PID1: variants seen among roughly 807,000 people sequenced by gnomAD.
The protein encoded by PID1 is phosphotyrosine interaction domain containing 1.
A neutral mutation model predicts 19.1 loss-of-function variants in PID1; 10 were observed. The observed-to-expected ratio is 0.52, with a 90% CI of 0.32 to 0.89. The LOEUF (loss-of-function observed/expected upper bound fraction) is 0.89, where lower values mean the gene tolerates loss of function less well. Among genes scored for constraint, PID1 ranks in the 40% least tolerant of loss-of-function variants. The pLI, the probability that PID1 is intolerant of heterozygous loss-of-function variation, is 0.03. For missense variants in PID1, 248 were observed against 285.3 expected (o/e 0.87, Z 0.94); for synonymous variants, 130 against 116.0 (o/e 1.12, Z -0.78).
chr2:229,086,660 G>C (rs554300432), intron 2 of PID1, among the ~76,000 whole-genome samples: 1 of 152,274 alleles, frequency 6.6e-6, no homozygotes, highest in South Asian at 2.1e-4. Context: ...TTAACTGAAG[G>C]CTTGATGGCA....
intron 2 of PID1, among the ~76,000 whole-genome samples, chr2:229,125,787 T>C (rs1285499309): frequency 6.6e-6 from 1 of 152,224 alleles, no homozygotes; most frequent in East Asian, 1.9e-4. Flanking sequence ...TCATGCACAT[T>C]TTCCCACGTG....
At chr2:229,227,013 G>C (rs913301251) in intron 1 of PID1, among the ~76,000 whole-genome samples, 1 of 152,116 alleles carries the variant, frequency 6.6e-6, no homozygotes, top group Non-Finnish European at 1.5e-5. Flanking sequence ...TCTGTGTTTA[G>C]GCAGAGAAAT....
At position 229,047,240 on chromosome 2, in the gene PID1, C is replaced by A. The variant is rs534341761; in HGVS notation, c.178-21132G>T. Among the ~76,000 whole-genome samples, 6 of 152,292 alleles carry A rather than the reference C, an allele frequency of 3.9e-5. No individual in the cohort carries two copies. The South Asian group carries it at 1.2e-3, about 32-fold the overall frequency. On this transcript the variant is annotated intron_variant, in intron 2 of 2. Coordinates refer to ENST00000392055, the MANE Select transcript of PID1 (RefSeq NM_001100818.2). ...TTCCAGAACCATGCAGAGTTAGAAT[C>A]AACCCTGGAAAGGGCTCCTGCCCAG...
chr2:229,215,081 C>T lies in PID1; in HGVS notation c.30+55933G>A, dbSNP rs558659226. Among the ~76,000 whole-genome samples, 3 of 152,262 alleles carry T rather than the reference C, an allele frequency of 2.0e-5. No individual in the cohort carries two copies. The South Asian group carries it at 6.2e-4, about 32-fold the overall frequency. ...AGAAAATTAACACTCCCACAAATAA[C>T]AACAATGTGGGAAAGCACCTGTTAT... is the stretch of plus-strand genomic sequence containing the variant. On this transcript the variant is annotated intron_variant, in intron 1 of 2. Coordinates refer to ENST00000392055, the MANE Select transcript of PID1 (RefSeq NM_001100818.2).
intron 1 of PID1, among the ~76,000 whole-genome samples, chr2:229,256,730 A>T (rs1176997240): frequency 4.6e-5 from 7 of 152,212 alleles, no homozygotes; most frequent in Non-Finnish European, 8.8e-5. Flanking sequence ...TTCCTAGGGT[A>T]CCCTTGGATC....
At chr2:229,071,872 C>A (rs942799742) in intron 2 of PID1, among the ~76,000 whole-genome samples, 2 of 152,136 alleles carry the variant, frequency 1.3e-5, no homozygotes, top group Non-Finnish European at 2.9e-5. Flanking sequence ...AAATAGAAAT[C>A]TTTGTTTTAT....
At chr2:229,095,720 T>C (rs184987844) in intron 2 of PID1, among the ~76,000 whole-genome samples, 5 of 152,228 alleles carry the variant, frequency 3.3e-5, no homozygotes, top group Non-Finnish European at 5.9e-5. Context: ...CCAACATTTG[T>C]CCAATTTCAA....
chr2:229,054,540 T>A (rs532167730), intron 2 of PID1, among the ~76,000 whole-genome samples: 372 of 152,258 alleles, frequency 2.4e-3, no homozygotes, highest in African/African-American at 8.4e-3. Context: ...TCAACCGCAA[T>A]GTGACCAGCC....
chr2:229,157,540 T>C (rs1690400362), intron 1 of PID1, among the ~76,000 whole-genome samples: 1 of 152,132 alleles, frequency 6.6e-6, no homozygotes, highest in African/African-American at 2.4e-5. Context: ...ATACAGTGTG[T>C]GCATCCCCCA....
intron 1 of PID1, chr2:229,227,894 G>C: frequency 2.2e-6 from 1 of 446,288 alleles, no homozygotes; most frequent in Non-Finnish European, 4.5e-6. Flanking sequence ...GTAATCTAGA[G>C]ATGATGGAAA....
chr2:229,098,941 C>A (rs1317579615), intron 2 of PID1, among the ~76,000 whole-genome samples: 1 of 152,164 alleles, frequency 6.6e-6, no homozygotes, highest in African/African-American at 2.4e-5. Flanking sequence ...TTCTTCTCTA[C>A]CACGCTTCTC....
chr2:229,219,915 T>C (rs1261231059), intron 1 of PID1, among the ~76,000 whole-genome samples: 2 of 151,918 alleles, frequency 1.3e-5, no homozygotes, highest in East Asian at 3.9e-4. Context: ...TGCTAGTAAA[T>C]GGTTGAAGAG....
intron 1 of PID1, among the ~76,000 whole-genome samples, chr2:229,163,064 CT>C (rs1244344231): frequency 4.6e-5 from 7 of 152,054 alleles, no homozygotes; most frequent in Admixed American, 4.6e-4. Context: ...TTTATTTAAA[CT>C]TTTTTAAACT....
chr2:229,165,357 T>C (rs1247192504), intron 1 of PID1, among the ~76,000 whole-genome samples: 1 of 152,150 alleles, frequency 6.6e-6, no homozygotes. Context: ...CCCAGCACTT[T>C]GGAAGGCTGA....
chr2:229,037,393 A>T (rs1262000284), intron 2 of PID1, among the ~76,000 whole-genome samples: 1 of 152,186 alleles, frequency 6.6e-6, no homozygotes, highest in Non-Finnish European at 1.5e-5. Context: ...TCCCACAATT[A>T]GGTAGTAAAG....
At chr2:229,135,213 G>A (rs553317153) in intron 2 of PID1, among the ~76,000 whole-genome samples, 28 of 152,232 alleles carry the variant, frequency 1.8e-4, no homozygotes, top group East Asian at 7.7e-4. Flanking sequence ...GTTTTGCATC[G>A]TTCACGTGGT....
At chr2:229,231,798 T>C (rs554657943) in intron 1 of PID1, 4 of 1,434,080 alleles carry the variant, frequency 2.8e-6, no homozygotes, top group African/African-American at 1.4e-5. Flanking sequence ...AGATGTGTGA[T>C]GGCATTTTAC....
At chr2:229,208,976 C>A (rs1691666929) in intron 1 of PID1, among the ~76,000 whole-genome samples, 1 of 152,008 alleles carries the variant, frequency 6.6e-6, no homozygotes. Context: ...CAGGAAGTGG[C>A]CAGAACTGTG....
intron 2 of PID1, among the ~76,000 whole-genome samples, chr2:229,050,108 T>C (rs2191832): frequency 0.52 from 79,040 of 151,384 alleles, 21,354 homozygotes; most frequent in East Asian, 0.67. Context: ...TGACAGCTCC[T>C]GATTCTTTAG....
Sources: allele counts gnomAD v4.1 joint callset (sites outside exome capture counted in the v4.1 genomes callset), GRCh38; gene constraint gnomAD v4.1.1; transcripts MANE v1.5; gene names NCBI Gene and HGNC (gene_info 2026-07-23, HGNC 2026-07-21).